The following DACH1 variants were observed in gnomAD, a reference collection of about 807,000 sequenced individuals.
The protein encoded by DACH1 is dachshund homolog 1.
A neutral mutation model predicts 54.2 loss-of-function variants in DACH1; 12 were observed. The ratio of observed to expected loss-of-function variants is 0.22; its 90% CI spans 0.14 to 0.36. DACH1 has a LOEUF of 0.36. DACH1 is among the 10% of genes least tolerant of loss of function. The pLI, the probability that DACH1 is intolerant of heterozygous loss-of-function variation, is 1.00. For missense variants in DACH1, 805 were observed against 929.8 expected, an observed-to-expected ratio of 0.87 and a Z score of 1.75; for synonymous variants, 386 against 366.2, an observed-to-expected ratio of 1.05 and a Z score of -0.62.
intron 6 of DACH1, among the ~76,000 whole-genome samples, chr13:71,523,539 GGAT>G (rs1881747757): frequency 6.6e-6 from 1 of 152,034 alleles, no homozygotes; most frequent in Non-Finnish European, 1.5e-5. Context: ...GAAGATTATA[GGAT>G]GATAAGTTTA....
At chr13:71,799,177 T>C (rs1052652587) in intron 1 of DACH1, among the ~76,000 whole-genome samples, 3 of 152,128 alleles carry the variant, frequency 2.0e-5, no homozygotes, top group African/African-American at 7.2e-5. Flanking sequence ...CCCAGAAGTG[T>C]TTATTTGTAC....
At chr13:71,715,436 G>C (rs963100235) in intron 1 of DACH1, among the ~76,000 whole-genome samples, 5 of 152,066 alleles carry the variant, frequency 3.3e-5, no homozygotes, top group Non-Finnish European at 5.9e-5. Context: ...GAAAAAGATG[G>C]CTGTGTGTAT....
At chr13:71,523,606 C>G (rs1881752328) in intron 6 of DACH1, among the ~76,000 whole-genome samples, 1 of 151,886 alleles carries the variant, frequency 6.6e-6, no homozygotes, top group African/African-American at 2.4e-5. Flanking sequence ...TCCTTGACAC[C>G]CTCTTCCAAG....
intron 1 of DACH1, among the ~76,000 whole-genome samples, chr13:71,688,908 G>C (rs997415680): frequency 2.6e-5 from 4 of 152,178 alleles, no homozygotes; most frequent in African/African-American, 9.7e-5. Context: ...GGAAGAACTT[G>C]ACAGATTCCT....
chr13:71,611,095 A>C (rs933208864), intron 3 of DACH1, among the ~76,000 whole-genome samples: 3 of 152,136 alleles, frequency 2.0e-5, no homozygotes, highest in Non-Finnish European at 2.9e-5. Flanking sequence ...GTCCCTCGGC[A>C]CTTGTGCTTA....
intron 6 of DACH1, among the ~76,000 whole-genome samples, chr13:71,530,955 T>C (rs1882375803): frequency 6.6e-6 from 1 of 152,124 alleles, no homozygotes; most frequent in Non-Finnish European, 1.5e-5. Context: ...TCCCGGCTTA[T>C]TTTTCTTCCC....
At chr13:71,625,582 A>C (rs886668897) in intron 3 of DACH1, among the ~76,000 whole-genome samples, 4 of 151,994 alleles carry the variant, frequency 2.6e-5, no homozygotes, top group African/African-American at 7.2e-5. Context: ...TAGAAGAACT[A>C]AGGAGTGATA....
intron 4 of DACH1, among the ~76,000 whole-genome samples, chr13:71,569,911 C>T (rs532977454): frequency 4.6e-5 from 7 of 152,258 alleles, no homozygotes; most frequent in South Asian, 2.1e-4. Context: ...ACATTTAACA[C>T]GTCACTTGCA....
chr13:71,562,077 G>T (rs765903487), intron 4 of DACH1, among the ~76,000 whole-genome samples: 1 of 152,012 alleles, frequency 6.6e-6, no homozygotes, highest in South Asian at 2.1e-4. Context: ...CAATCTTGTC[G>T]TAATGATAAC....
intron 1 of DACH1, among the ~76,000 whole-genome samples, chr13:71,725,060 T>C (rs951864874): frequency 2.6e-5 from 4 of 151,912 alleles, no homozygotes; most frequent in African/African-American, 9.7e-5. Flanking sequence ...CATATCTTAG[T>C]GAAACTGAAA....
intron 1 of DACH1, among the ~76,000 whole-genome samples, chr13:71,828,126 C>T (rs866925598): frequency 5.3e-5 from 8 of 151,974 alleles, no homozygotes; most frequent in South Asian, 2.1e-4. Flanking sequence ...GCCACCTTTC[C>T]GCTCCTCTGT....
chr13:71,853,539 A>T (rs1873809617), intron 1 of DACH1, among the ~76,000 whole-genome samples: 1 of 152,204 alleles, frequency 6.6e-6, no homozygotes, highest in African/African-American at 2.4e-5. Context: ...GTTTATTATT[A>T]AAAAATTAGA....
At chr13:71,738,679 C>G (rs1884245283) in intron 1 of DACH1, among the ~76,000 whole-genome samples, 1 of 116,242 alleles carries the variant, frequency 8.6e-6, no homozygotes, top group Admixed American at 1.3e-4. Context: ...TTGCAATGAG[C>G]CAAAATTGTG....
intron 1 of DACH1, among the ~76,000 whole-genome samples, chr13:71,709,432 G>A (rs1444400875): frequency 6.6e-6 from 1 of 150,550 alleles, no homozygotes; most frequent in Non-Finnish European, 1.5e-5. Flanking sequence ...ATCTTGTGCT[G>A]TCCTGCTTTG....
At chr13:71,636,941 C>T (rs1340186673) in intron 2 of DACH1, among the ~76,000 whole-genome samples, 1 of 152,024 alleles carries the variant, frequency 6.6e-6, no homozygotes, top group Non-Finnish European at 1.5e-5. Flanking sequence ...TAAAAATGGG[C>T]TATTGTTAAA....
chr13:71,551,839 A>T (rs1883835778), intron 6 of DACH1, among the ~76,000 whole-genome samples: 1 of 152,044 alleles, frequency 6.6e-6, no homozygotes, highest in Admixed American at 6.6e-5. Flanking sequence ...TAACTACATT[A>T]TTGTCTTTAG....
Position 71,572,986 on chromosome 13 carries a change from G to T in DACH1, c.1153C>A (p.Pro385Thr). 6.2e-7 allele frequency: 1 copy of T among 1,613,960 alleles called. No homozygotes were observed. Among genetic ancestry groups the T allele is most frequent in the Admixed American group, 1.7e-5 (1 of 60,012 alleles). ...AGGCTGACAGGAATTAGAGGGTGGG[G>T]CATCATCATAAAAGGAAGTTCCAGT... ...VGLELPFMMM[P>T]HPLIPVSLPP... The change falls in exon 4 of 11, where the codon CCC becomes ACC. Residue 385 changes from proline to threonine, a missense_variant. Pro to Thr is a conservative substitution (Grantham distance 38). Coordinates refer to ENST00000613252, the MANE Select transcript of DACH1 (RefSeq NM_080759.6).
At chr13:71,520,230 A>G (rs756861434) in intron 6 of DACH1, among the ~76,000 whole-genome samples, 16 of 151,544 alleles carry the variant, frequency 1.1e-4, no homozygotes, top group Non-Finnish European at 2.1e-4. Context: ...AAACAGAGAT[A>G]AAATGGTACC....
chr13:71,648,835 T>C (rs1405422374), intron 2 of DACH1, among the ~76,000 whole-genome samples: 1 of 152,176 alleles, frequency 6.6e-6, no homozygotes, highest in Non-Finnish European at 1.5e-5. Context: ...AATCTCACCA[T>C]AGCCACCCCT....
Sources: gnomAD v4.1 joint callset for allele counts (sites outside exome capture counted in the v4.1 genomes callset) on GRCh38, gnomAD v4.1.1 for gene constraint, MANE v1.5 for transcripts, NCBI Gene and HGNC (gene_info 2026-07-23, HGNC 2026-07-21) for gene names.